The following ARHGAP6 variants were observed in gnomAD, a reference collection of about 807,000 sequenced individuals.
The protein encoded by ARHGAP6 is rho GTPase-activating protein 6.
A neutral mutation model predicts 55.7 loss-of-function variants in ARHGAP6; 16 were observed. That is an observed-to-expected ratio of 0.29 (90% CI 0.19 to 0.44). The LOEUF (loss-of-function observed/expected upper bound fraction) is 0.44, where lower values mean the gene tolerates loss of function less well. Among genes scored for constraint, ARHGAP6 ranks in the 20% least tolerant of loss-of-function variants. ARHGAP6 has a pLI of 1.00. For missense variants in ARHGAP6, 698 were observed against 808.9 expected (o/e 0.86, Z 1.66); for synonymous variants, 382 against 360.9 (o/e 1.06, Z -0.66).
At chrX:11,339,224 G>C (rs1196733839) in intron 1 of ARHGAP6, among the ~76,000 whole-genome samples, 1 of 111,950 alleles carries the variant, frequency 8.9e-6, no homozygotes. Flanking sequence ...TGCCCTTCTG[G>C]ACATCTAAAT....
intron 1 of ARHGAP6, among the ~76,000 whole-genome samples, chrX:11,389,847 G>T (rs1031230493): frequency 8.9e-6 from 1 of 111,771 alleles, no homozygotes; most frequent in Non-Finnish European, 1.9e-5. Context: ...TGTGGTTAGA[G>T]CTGAAGGAAG....
At chrX:11,395,150 A>G (rs945457305) in intron 1 of ARHGAP6, among the ~76,000 whole-genome samples, 17 of 111,793 alleles carry the variant, frequency 1.5e-4, no homozygotes, top group Non-Finnish European at 3.2e-4. Flanking sequence ...ACATTTATGG[A>G]CTTGGTTATC....
intron 1 of ARHGAP6, among the ~76,000 whole-genome samples, chrX:11,577,449 T>C (rs1045198112): frequency 1.8e-5 from 2 of 111,957 alleles, no homozygotes; most frequent in Non-Finnish European, 3.8e-5. Flanking sequence ...CCATCACCAG[T>C]TGAGGGCTGC....
intron 1 of ARHGAP6, among the ~76,000 whole-genome samples, chrX:11,497,908 G>A (rs1313622010): frequency 1.8e-5 from 2 of 110,304 alleles, no homozygotes; most frequent in African/African-American, 3.3e-5. Context: ...TCTTCCATGC[G>A]GGTATAATCC....
chrX:11,518,148 T>A (rs1421730093), intron 1 of ARHGAP6, among the ~76,000 whole-genome samples: 1 of 110,873 alleles, frequency 9.0e-6, no homozygotes, highest in African/African-American at 3.3e-5. Context: ...CTTTTCTTTC[T>A]TTTCTTTTCC....
intron 2 of ARHGAP6, among the ~76,000 whole-genome samples, chrX:11,199,325 G>A (rs2046587108): frequency 8.9e-6 from 1 of 111,922 alleles, no homozygotes; most frequent in African/African-American, 3.3e-5. Context: ...GTAGTTCTGG[G>A]ACCAGCAGCA....
At chrX:11,209,263 A>C (rs2046752728) in intron 2 of ARHGAP6, among the ~76,000 whole-genome samples, 1 of 111,595 alleles carries the variant, frequency 9.0e-6, no homozygotes, top group Non-Finnish European at 1.9e-5. Flanking sequence ...TGCCTCAGCC[A>C]CCCGAGTATC....
chrX:11,355,315 C>T (rs1182576626), intron 1 of ARHGAP6, among the ~76,000 whole-genome samples: 2 of 112,366 alleles, frequency 1.8e-5, no homozygotes, highest in African/African-American at 6.5e-5. Context: ...TTGAGGCATC[C>T]AGCAAGTTCT....
At chrX:11,593,937 G>A (rs2051870414) in intron 1 of ARHGAP6, among the ~76,000 whole-genome samples, 1 of 112,090 alleles carries the variant, frequency 8.9e-6, no homozygotes, top group African/African-American at 3.2e-5. Context: ...CCAAAATGGT[G>A]GAAACAGCAT....
intron 1 of ARHGAP6, among the ~76,000 whole-genome samples, chrX:11,271,097 A>G (rs973067905): frequency 4.5e-5 from 5 of 111,889 alleles, no homozygotes. Flanking sequence ...AAACTCAGAT[A>G]AGAGGGCACT....
chrX:11,217,615 T>C (rs2046900601), intron 2 of ARHGAP6, among the ~76,000 whole-genome samples: 1 of 111,995 alleles, frequency 8.9e-6, no homozygotes, highest in Non-Finnish European at 1.9e-5. Context: ...GATATTAGCC[T>C]TTTGTTAGAT....
At chrX:11,263,005 A>C (rs1011549555) in intron 1 of ARHGAP6, among the ~76,000 whole-genome samples, 4 of 110,942 alleles carry the variant, frequency 3.6e-5, no homozygotes, top group Non-Finnish European at 7.5e-5. Flanking sequence ...AATATTAATC[A>C]TCACCACTCT....
intron 1 of ARHGAP6, among the ~76,000 whole-genome samples, chrX:11,301,794 G>A (rs1451273034): frequency 9.0e-6 from 1 of 111,700 alleles, no homozygotes; most frequent in East Asian, 2.8e-4. Flanking sequence ...TCTACCAAAG[G>A]GGTAAAATAA....
chrX:11,391,078 T>G (rs991634715), intron 1 of ARHGAP6, among the ~76,000 whole-genome samples: 1 of 111,947 alleles, frequency 8.9e-6, no homozygotes, highest in African/African-American at 3.3e-5. Flanking sequence ...TGTCCAACAA[T>G]GATAGACTGG....
intron 1 of ARHGAP6, among the ~76,000 whole-genome samples, chrX:11,591,745 G>C (rs1022348530): frequency 6.3e-5 from 7 of 111,689 alleles, no homozygotes; most frequent in African/African-American, 2.3e-4. Context: ...GGGTCTTCTT[G>C]GGATGATGAA....
At position 11,179,449 on chromosome X, in the gene ARHGAP6, G is replaced by A. The variant is rs1228492876; in HGVS notation, c.1333C>T (p.Arg445Cys). 1 of 1,206,197 alleles carries A rather than the reference G, an allele frequency of 8.3e-7. No individual in the cohort carries two copies. The change falls in exon 7 of 13, where the codon CGT becomes TGT. Residue 445 changes from arginine to cysteine, a missense_variant. This residue lies in a region of ARHGAP6 where 322 missense variants were observed against 451.1 expected (regional missense o/e 0.71). Transcript: ENST00000337414. Reference sequence around the variant, plus strand: ...TCAATCCCACGGTCAAATTCCTCACGTAACTGGAAGAACAATGGTTCGAGT... The same window carrying A: ...TCAATCCCACGGTCAAATTCCTCACATAACTGGAAGAACAATGGTTCGAGT... ...GSSKKRVRQL[R>C]EEFDRGIDVS...
chrX:11,219,804 G>C (rs780872450), intron 2 of ARHGAP6, among the ~76,000 whole-genome samples: 1 of 98,960 alleles, frequency 1.0e-5, no homozygotes, highest in Non-Finnish European at 2.0e-5. Flanking sequence ...TGTCAGATGA[G>C]TAGGTTGCGA....
chrX:11,371,893 A>T (rs893125852), intron 1 of ARHGAP6, among the ~76,000 whole-genome samples: 1 of 112,548 alleles, frequency 8.9e-6, no homozygotes, highest in African/African-American at 3.2e-5. Context: ...GTAAAAGTAT[A>T]TTATCATTTT....
intron 1 of ARHGAP6, among the ~76,000 whole-genome samples, chrX:11,543,372 C>T (rs1167532344): frequency 8.9e-6 from 1 of 112,668 alleles, no homozygotes; most frequent in Non-Finnish European, 1.9e-5. Flanking sequence ...TTTTGCCCAA[C>T]AGGGGACATT....
Sources: gnomAD v4.1 joint callset for allele counts (sites outside exome capture counted in the v4.1 genomes callset) on GRCh38, gnomAD v4.1.1 for gene constraint, gnomAD v4.1.1 regional missense constraint, MANE v1.5 for transcripts, NCBI Gene and HGNC (gene_info 2026-07-23, HGNC 2026-07-21) for gene names.